Variants in COL4A2 observed in about 807,000 individuals in gnomAD.
The protein encoded by COL4A2 is collagen alpha-2(IV) chain.
A neutral mutation model predicts 200.2 loss-of-function variants in COL4A2; 99 were observed. The ratio of observed to expected loss-of-function variants is 0.49; its 90% confidence interval spans 0.42 to 0.58. The LOEUF (loss-of-function observed/expected upper bound fraction) is 0.58, where lower values mean the gene tolerates loss of function less well. Ranked by LOEUF, COL4A2 falls within the 20% of genes least tolerant of loss-of-function variation. The pLI is 0.00. For synonymous variants in COL4A2, 897 were observed against 900.6 expected, an observed-to-expected ratio of 1.00 and a Z score of 0.07; for missense variants, 1,950 against 2,314.1, an observed-to-expected ratio of 0.84 and a Z score of 3.23.
chr13:110,408,834 CAT>C (rs1003322587), intron 4 of COL4A2, among the ~76,000 whole-genome samples: 23 of 107,384 alleles, frequency 2.1e-4, no homozygotes, highest in South Asian at 3.5e-4. Flanking sequence ...TGCACACACA[CAT>C]ACACGCACAC....
chr13:110,396,007 G>A (rs181256192), intron 4 of COL4A2, among the ~76,000 whole-genome samples: 1 of 152,268 alleles, frequency 6.6e-6, no homozygotes, highest in African/African-American at 2.4e-5. Flanking sequence ...AAAAAGTAAC[G>A]AGTCAAAAGA....
intron 3 of COL4A2, among the ~76,000 whole-genome samples, chr13:110,349,236 A>G (rs939419451): frequency 2.0e-5 from 3 of 152,232 alleles, no homozygotes; most frequent in African/African-American, 7.2e-5. Context: ...TCCTAAATAT[A>G]AGGACCAATC....
intron 3 of COL4A2, among the ~76,000 whole-genome samples, chr13:110,351,124 C>T (rs1356869022): frequency 1.3e-5 from 2 of 152,168 alleles, no homozygotes; most frequent in Non-Finnish European, 2.9e-5. Flanking sequence ...TCTCGGCTCA[C>T]TGCAACCTCC....
At chr13:110,369,872 G>T (rs886140021) in intron 4 of COL4A2, among the ~76,000 whole-genome samples, 7 of 151,990 alleles carry the variant, frequency 4.6e-5, no homozygotes, top group Admixed American at 1.3e-4. Flanking sequence ...TTCATTGATC[G>T]CAGCACAGCA....
intron 4 of COL4A2, among the ~76,000 whole-genome samples, chr13:110,419,304 T>C (rs1231649656): frequency 6.6e-6 from 1 of 152,218 alleles, no homozygotes; most frequent in East Asian, 1.9e-4. Flanking sequence ...TAAAATACTG[T>C]ACTGTAGATT....
intron 4 of COL4A2, among the ~76,000 whole-genome samples, chr13:110,396,934 A>G (rs904801057): frequency 6.6e-6 from 1 of 152,196 alleles, no homozygotes; most frequent in Non-Finnish European, 1.5e-5. Flanking sequence ...TTGTGGTTTT[A>G]TTTTGAGTTT....
rs117044747 is a variant in COL4A2, at chr13:110,488,416, G to C, written c.3208-1029G>C. Among the ~76,000 whole-genome samples the C allele has an allele frequency of 6.7e-3, 1,013 of 152,326 alleles. 8 individuals carry two copies. Among genetic ancestry groups the C allele is most frequent in the Non-Finnish European group, 0.011 (722 of 68,036 alleles). On this transcript the variant is annotated intron_variant, in intron 34 of 47. Transcript: ENST00000360467. ...GTCCCAGTGGCACCCAGGTAGACCA[G>C]AACTCTCATGCTCCCTCTGGGGAGG...
intron 4 of COL4A2, among the ~76,000 whole-genome samples, chr13:110,417,203 CCTCAG>C (rs1280606330): frequency 6.6e-6 from 1 of 152,146 alleles, no homozygotes; most frequent in Admixed American, 6.5e-5. Flanking sequence ...GATCCGCCTG[CCTCAG>C]CCTCCCAAAG....
Position 110,495,416 on chromosome 13 carries a change from C to G in COL4A2, c.3709C>G (p.Leu1237Val). 6.2e-7 allele frequency: 1 copy of G among 1,614,054 alleles called. No homozygotes were observed. Among genetic ancestry groups the G allele is most frequent in the South Asian group, 1.1e-5 (1 of 91,070 alleles). The change falls in exon 40 of 48, where the codon CTT (leucine) becomes GTT (valine). Residue 1237 changes from leucine to valine, a missense_variant. Physicochemically the swap from Leu to Val is conservative, Grantham distance 32. This residue lies in a region of COL4A2 where 1,385 missense variants were observed against 1,720.5 expected (regional missense o/e 0.80). Coordinates refer to ENST00000360467, the MANE Select transcript of COL4A2 (RefSeq NM_001846.4). ...AGGTGACCCAGGAGAGGCCAACACC[C>G]TTCCAGGCCCTGTGGGAGTCCCAGG... ...ERGDPGEANT[L>V]PGPVGVPGQK...
chr13:110,311,769 C>T (rs892082094), intron 3 of COL4A2, among the ~76,000 whole-genome samples: 3 of 152,218 alleles, frequency 2.0e-5, no homozygotes, highest in East Asian at 1.9e-4. Flanking sequence ...AATATGCAGC[C>T]GGCTGGGTGG....
chr13:110,352,690 C>A (rs1318623543), intron 3 of COL4A2, among the ~76,000 whole-genome samples: 1 of 152,138 alleles, frequency 6.6e-6, no homozygotes, highest in Non-Finnish European at 1.5e-5. Context: ...GGTTCAGATT[C>A]CTCGGTGGTC....
intron 18 of COL4A2, among the ~76,000 whole-genome samples, chr13:110,447,923 A>G (rs1413362696): frequency 6.6e-6 from 1 of 152,196 alleles, no homozygotes; most frequent in Non-Finnish European, 1.5e-5. Context: ...CAGTTTAATA[A>G]TGGCTTTGCA....
At chr13:110,452,358 T>G (rs1881571943) in intron 20 of COL4A2, among the ~76,000 whole-genome samples, 1 of 152,242 alleles carries the variant, frequency 6.6e-6, no homozygotes, top group Admixed American at 6.5e-5. Flanking sequence ...GAGACGGGGT[T>G]TCACCATGTT....
At chr13:110,446,215 G>A (rs963309187) in intron 17 of COL4A2, among the ~76,000 whole-genome samples, 4 of 152,234 alleles carry the variant, frequency 2.6e-5, no homozygotes, top group Non-Finnish European at 4.4e-5. Flanking sequence ...TGGCTTGTGT[G>A]AGTAATTCCT....
chr13:110,458,253 G>A (rs1277027733), intron 21 of COL4A2: 2 of 399,014 alleles, frequency 5.0e-6, no homozygotes, highest in Non-Finnish European at 1.0e-5. Context: ...CCGCCAGCAT[G>A]GTGCTGCCTT....
At chr13:110,405,487 G>A (rs367796920) in intron 4 of COL4A2, among the ~76,000 whole-genome samples, 3 of 131,432 alleles carry the variant, frequency 2.3e-5, no homozygotes, top group South Asian at 2.7e-4. Flanking sequence ...TCCCAGACCC[G>A]TCTTCTCCAT....
chr13:110,376,644 A>G (rs950905759), intron 4 of COL4A2, among the ~76,000 whole-genome samples: 3 of 152,194 alleles, frequency 2.0e-5, no homozygotes, highest in African/African-American at 7.2e-5. Context: ...ATGTGCCTGC[A>G]AGCAGCCTGG....
rs2139462855 is a variant in COL4A2, at chr13:110,434,753, G to T, written c.726+311G>T. ...TGTCACTGAGTGCATCTTCTCCTGT[G>T]TGGAGCCCAGAGGTGATGGAGGGGA... On this transcript the variant is annotated intron_variant, in intron 12 of 47. Coordinates refer to ENST00000360467, the MANE Select transcript of COL4A2 (RefSeq NM_001846.4). 2.0e-5 allele frequency among the ~76,000 whole-genome samples: 3 copies of T among 152,342 alleles called. No individual in the cohort carries two copies. In the South Asian group the frequency reaches 6.2e-4, roughly 32 times the overall value.
chr13:110,426,001 G>A (rs1880460230), intron 6 of COL4A2, among the ~76,000 whole-genome samples: 1 of 152,178 alleles, frequency 6.6e-6, no homozygotes, highest in Non-Finnish European at 1.5e-5. Flanking sequence ...TACCTGAATG[G>A]TAGGCTCAAA....
Sources: allele counts gnomAD v4.1 joint callset (sites outside exome capture counted in the v4.1 genomes callset), GRCh38; gene constraint gnomAD v4.1.1; regional missense constraint gnomAD v4.1.1; transcripts MANE v1.5; gene names NCBI Gene and HGNC (gene_info 2026-07-23, HGNC 2026-07-21).